Variants in FER observed in about 807,000 individuals in gnomAD.
FER encodes FER tyrosine kinase.
In FER, 63 loss-of-function variants were observed where a neutral mutation model predicts 111.0. The ratio of observed to expected loss-of-function variants is 0.57; its 90% confidence interval spans 0.46 to 0.70. FER has a LOEUF of 0.70. Among genes scored for constraint, FER ranks in the 30% least tolerant of loss-of-function variants. The pLI, the probability that FER is intolerant of heterozygous loss-of-function variation, is 0.00. For synonymous variants in FER, 327 were observed against 313.9 expected (o/e 1.04, Z -0.44); for missense variants, 914 against 954.0 (o/e 0.96, Z 0.55).
chr5:108,959,459 A>G, intron 13 of FER, 112 bp downstream of exon 13: 2 of 1,105,954 alleles, frequency 1.8e-6, no homozygotes, highest in South Asian at 4.7e-5. Context: ...TCAGAAAAAA[A>G]GTTTTGTTTT....
chr5:108,843,364 A>G (rs2150159506), intron 5 of FER, among the ~76,000 whole-genome samples: 1 of 152,320 alleles, frequency 6.6e-6, no homozygotes, highest in African/African-American at 2.4e-5. Context: ...ATATCAAATT[A>G]TTCTGAATCT....
intron 2 of FER, among the ~76,000 whole-genome samples, chr5:108,785,926 G>A (rs1037725383): frequency 6.6e-6 from 1 of 152,170 alleles, no homozygotes; most frequent in East Asian, 1.9e-4. Context: ...AGAGTTCTTC[G>A]TTTGTCTCTT....
chr5:108,989,114 T>C (rs541276307), intron 13 of FER, among the ~76,000 whole-genome samples: 1 of 152,236 alleles, frequency 6.6e-6, no homozygotes, highest in South Asian at 2.1e-4. Context: ...TGATTTCCAA[T>C]TTTATTTTAC....
At position 109,126,371 on chromosome 5, in the gene FER, T is replaced by C. The variant is rs145478529; in HGVS notation, c.2048+25852T>C. 5.3e-5 allele frequency among the ~76,000 whole-genome samples: 8 copies of C among 152,320 alleles called. No homozygotes were observed. The East Asian group carries it at 1.5e-3, about 29-fold the overall frequency. On this transcript the variant is annotated intron_variant, in intron 17 of 19. Coordinates refer to ENST00000281092, the MANE Select transcript of FER (RefSeq NM_005246.4). ...AGCAACAGGAGCAATACTCTTTTGCTTTTATCCTCTGTTTACATATTCACC... is the reference window on the plus strand; with the variant it reads ...AGCAACAGGAGCAATACTCTTTTGCCTTTATCCTCTGTTTACATATTCACC...
intron 2 of FER, among the ~76,000 whole-genome samples, chr5:108,768,570 A>G (rs1227045983): frequency 6.6e-6 from 1 of 152,194 alleles, no homozygotes; most frequent in African/African-American, 2.4e-5. Context: ...TTTTCTTCTC[A>G]AATACTTGCA....
intron 10 of FER, among the ~76,000 whole-genome samples, chr5:108,931,897 T>C (rs1450816798): frequency 6.6e-6 from 1 of 152,146 alleles, no homozygotes; most frequent in East Asian, 1.9e-4. Context: ...ATATTGTCCA[T>C]TTGAATGTGG....
At chr5:109,006,258 A>C (rs1332149890) in intron 13 of FER, among the ~76,000 whole-genome samples, 1 of 152,158 alleles carries the variant, frequency 6.6e-6, no homozygotes, top group Non-Finnish European at 1.5e-5. Flanking sequence ...GAGCTACTTG[A>C]ATTGTAGCTG....
At chr5:109,166,222 T>C (rs1756543757) in intron 17 of FER, among the ~76,000 whole-genome samples, 1 of 151,998 alleles carries the variant, frequency 6.6e-6, no homozygotes, top group Non-Finnish European at 1.5e-5. Context: ...AACAGAGATA[T>C]GACTTAATAG....
intron 3 of FER, among the ~76,000 whole-genome samples, chr5:108,813,410 G>A (rs962598657): frequency 6.6e-6 from 1 of 151,942 alleles, no homozygotes; most frequent in Admixed American, 6.6e-5. Context: ...TTAAACCCAT[G>A]GGCTACTACA....
intron 10 of FER, among the ~76,000 whole-genome samples, chr5:108,929,637 G>A (rs769532149): frequency 2.6e-5 from 4 of 151,984 alleles, no homozygotes; most frequent in Non-Finnish European, 5.9e-5. Context: ...AAAATGTCTG[G>A]CTATCAAGAA....
rs751980065 is a variant in FER at position 109,187,754 on chromosome 5, T to TAAAG, written c.*183_*186dup. The TAAAG allele has an allele frequency of 2.7e-6, 2 of 737,898 alleles. No individual in the cohort carries two copies. Among genetic ancestry groups the TAAAG allele is most frequent in the Non-Finnish European group, 2.2e-6 (1 of 464,984 alleles). The allele number at this position is 737,898 out of a possible 1,614,324, so 45.7% of individuals were successfully genotyped here. On this transcript the variant is annotated 3_prime_UTR_variant, in exon 20 of 20. Coordinates refer to ENST00000281092, the MANE Select transcript of FER (RefSeq NM_005246.4). The stretch of plus-strand genomic sequence containing the variant: ...TGTAAAAAGTCAAAGGCAAATTTGT[T>TAAAG]AAAGAAATAGGCAGTCCTACCAAGG...
At chr5:109,024,005 C>G (rs1415716312) in intron 13 of FER, among the ~76,000 whole-genome samples, 1 of 152,086 alleles carries the variant, frequency 6.6e-6, no homozygotes, top group African/African-American at 2.4e-5. Flanking sequence ...ATATTTAGAA[C>G]CACCCTATAT....
intron 13 of FER, among the ~76,000 whole-genome samples, chr5:109,024,469 C>T (rs1768382405): frequency 6.6e-6 from 1 of 152,152 alleles, no homozygotes; most frequent in Non-Finnish European, 1.5e-5. Flanking sequence ...TGATTCACTT[C>T]AACTCACAGG....
At chr5:109,086,319 A>C (rs1454504170) in intron 16 of FER, among the ~76,000 whole-genome samples, 1 of 151,606 alleles carries the variant, frequency 6.6e-6, no homozygotes. Flanking sequence ...AAGGTTATTT[A>C]TCATATCCCC....
At position 108,836,834 on chromosome 5, in the gene FER, C is replaced by G. The variant is rs552989968; in HGVS notation, c.481+1027C>G. Among the ~76,000 whole-genome samples, 315 of 151,950 alleles carry G rather than the reference C, an allele frequency of 2.1e-3. 3 individuals are homozygous for G. Among genetic ancestry groups the G allele is most frequent in the African/African-American group, 7.0e-3 (292 of 41,468 alleles). On this transcript the variant is annotated intron_variant, in intron 5 of 19. Transcript: ENST00000281092. ...TTCTTTATCTTCTTCCTTCCTCTCC[C>G]TTGGACTCCCTGTTTGTCCCCCTTC...
intron 2 of FER, among the ~76,000 whole-genome samples, chr5:108,796,960 C>T (rs1311958795): frequency 1.3e-5 from 2 of 151,404 alleles, no homozygotes; most frequent in East Asian, 3.9e-4. Context: ...CCATAGCCAC[C>T]ACAACTGGGA....
intron 16 of FER, among the ~76,000 whole-genome samples, chr5:109,070,251 C>A (rs931268893): frequency 6.6e-6 from 1 of 151,728 alleles, no homozygotes. Context: ...ACATGTTTCA[C>A]TTGGTCATAT....
At position 109,058,724 on chromosome 5, in the gene FER, C is replaced by CTTTTTTTTTTTTTTTTT. The variant is rs746184286; in HGVS notation, c.1924+11536_1924+11552dup. 1.4e-4 allele frequency among the ~76,000 whole-genome samples: 11 copies of CTTTTTTTTTTTTTTTTT among 76,252 alleles called. 2 individuals are homozygous for CTTTTTTTTTTTTTTTTT. The highest frequency in any genetic ancestry group is 5.3e-4 in the African/African-American group (9 of 17,114). The allele number at this position is 76,252 out of a possible 152,430, so 50.0% of individuals were successfully genotyped here. A position where few individuals can be genotyped will look rare whatever the true frequency, so the allele number is the denominator to read the frequency against. ...TCTTTTTCTTTTTCTTTCTTTCTTT[C>CTTTTTTTTTTTTTTTTT]TTTTTTTTTTTTTTTTTTTTTTTTT... is the stretch of plus-strand genomic sequence containing the variant. On this transcript the variant is annotated intron_variant, in intron 16 of 19. Transcript: ENST00000281092.
chr5:108,914,227 C>CTG (rs1457338944), intron 10 of FER, among the ~76,000 whole-genome samples: 1 of 131,694 alleles, frequency 7.6e-6, no homozygotes, highest in Non-Finnish European at 1.6e-5. Flanking sequence ...CTTAACTTGT[C>CTG]TCTCTGTGTG....
Sources: allele counts gnomAD v4.1 joint callset (sites outside exome capture counted in the v4.1 genomes callset), GRCh38; gene constraint gnomAD v4.1.1; transcripts MANE v1.5; gene names NCBI Gene and HGNC (gene_info 2026-07-23, HGNC 2026-07-21).